Variants in ACCSL observed in about 807,000 individuals in gnomAD.
ACCSL encodes 1-aminocyclopropane-1-carboxylate synthase homolog (inactive) like.
A neutral mutation model predicts 61.7 loss-of-function variants in ACCSL; 55 were observed. The observed-to-expected ratio is 0.89, with a 90% CI of 0.72 to 1.12. The LOEUF (loss-of-function observed/expected upper bound fraction) is 1.12. ACCSL is among the 50% of genes most tolerant of loss of function. The probability of loss-of-function intolerance (pLI) is 0.00; values close to 1 mark genes in which losing one functional copy is unlikely to be tolerated. For missense variants in ACCSL, 632 were observed against 698.0 expected (o/e 0.91, Z 1.07); for synonymous variants, 258 against 264.3 (o/e 0.98, Z 0.23).
the ACCSL span, among the ~76,000 whole-genome samples, chr11:43,959,078 T>C: frequency 6.6e-6 from 1 of 152,142 alleles, no homozygotes; most frequent in African/African-American, 2.4e-5. Context: ...ATTTAATCAA[T>C]TCAATTCCCA....
chr11:43,949,202 C>G, the ACCSL span, among the ~76,000 whole-genome samples: 13 of 152,294 alleles, frequency 8.5e-5, no homozygotes, highest in African/African-American at 3.1e-4. Flanking sequence ...TGGGCTGGCA[C>G]CCCCCTCCAA....
the ACCSL span, among the ~76,000 whole-genome samples, chr11:43,965,369 A>C: frequency 2.0e-5 from 3 of 152,230 alleles, no homozygotes; most frequent in African/African-American, 7.2e-5. Flanking sequence ...AAAAAGAATA[A>C]AATACTTTGG....
At chr11:44,018,719 G>A in the ACCSL span, among the ~76,000 whole-genome samples, 2 of 152,146 alleles carry the variant, frequency 1.3e-5, no homozygotes, top group African/African-American at 4.8e-5. Flanking sequence ...TGTAATCTCA[G>A]CACATTGGGA....
the ACCSL span, among the ~76,000 whole-genome samples, chr11:43,967,176 T>TTA: frequency 4.2e-5 from 4 of 95,928 alleles, no homozygotes; most frequent in Non-Finnish European, 4.4e-5. Context: ...TCTTTTTTTT[T>TTA]TTTTTTTTTT....
chr11:43,957,522 C>A, the ACCSL span, among the ~76,000 whole-genome samples: 1 of 152,062 alleles, frequency 6.6e-6, no homozygotes, highest in African/African-American at 2.4e-5. Context: ...TCTTATCAGA[C>A]CTTAAAAGGC....
intron 13 of ACCSL, 35 bp downstream of exon 13, chr11:44,058,734 G>C: frequency 6.3e-7 from 1 of 1,579,226 alleles, no homozygotes; most frequent in Non-Finnish European, 8.6e-7. Flanking sequence ...CTTTAAAGAC[G>C]CCCCATCAAT....
At chr11:44,047,930 ATTCCTGG>A, upstream of ACCSL, 1 of 1,378,254 alleles carries the variant, frequency 7.3e-7, no homozygotes, top group Non-Finnish European at 9.8e-7. Context: ...GTCTCCATCC[ATTCCTGG>A]ACCTGAGGGT....
chr11:43,930,824 TGCACACAC>T, the ACCSL span, among the ~76,000 whole-genome samples: 6 of 152,026 alleles, frequency 3.9e-5, no homozygotes, highest in East Asian at 1.2e-3. Context: ...CACACACACA[TGCACACAC>T]GCACACACAC....
chr11:44,032,847 G>A, the ACCSL span, among the ~76,000 whole-genome samples: 2 of 152,098 alleles, frequency 1.3e-5, no homozygotes, highest in Admixed American at 6.5e-5. Flanking sequence ...TCACAAATGT[G>A]GTATGACTGG....
the ACCSL span, among the ~76,000 whole-genome samples, chr11:43,957,502 G>A: frequency 1.3e-5 from 2 of 152,076 alleles, no homozygotes; most frequent in Non-Finnish European, 2.9e-5. Flanking sequence ...GGGAATAGAT[G>A]GTAAATGCCT....
the ACCSL span, among the ~76,000 whole-genome samples, chr11:43,953,338 A>G: frequency 6.6e-6 from 1 of 152,082 alleles, no homozygotes; most frequent in African/African-American, 2.4e-5. Flanking sequence ...AGAGACCAGC[A>G]TGGTGAAACC....
chr11:44,058,584 C>T lies in ACCSL; in HGVS notation c.1509C>T (p.Leu503=). The T allele has an allele frequency of 1.9e-6, 3 of 1,614,140 alleles. No homozygotes were observed. Among genetic ancestry groups the T allele is most frequent in the South Asian group, 2.2e-5 (2 of 91,068 alleles). ...GTACATTTGAAGAAGAACGGCTCCT[C>T]TATTGCCGCTTCCTGGACAACAAGC... ...DPCTFEEERL[L]YCRFLDNKLL... The change falls in exon 13 of 14, where the codon CTC becomes CTT. Residue 503 remains leucine (L), a synonymous_variant. Transcript: ENST00000378832.
the ACCSL span, among the ~76,000 whole-genome samples, chr11:43,932,551 T>TGAGTCACGGCACCCAGCTGA: frequency 6.6e-6 from 1 of 152,182 alleles, no homozygotes; most frequent in Non-Finnish European, 1.5e-5. Context: ...ATTACAGGTG[T>TGAGTCACGGCACCCAGCTGA]GAGTCACGGC....
the ACCSL span, among the ~76,000 whole-genome samples, chr11:43,997,422 C>T: frequency 3.9e-5 from 6 of 152,092 alleles, no homozygotes; most frequent in Admixed American, 3.9e-4. Flanking sequence ...TTAGTTTTTC[C>T]CATGTGTTGG....
chr11:43,987,484 G>T, the ACCSL span, among the ~76,000 whole-genome samples: 1 of 152,236 alleles, frequency 6.6e-6, no homozygotes, highest in Non-Finnish European at 1.5e-5. Context: ...CCCAGTCGCT[G>T]CTTCTAGCAA....
chr11:44,042,602 C>T, the ACCSL span, among the ~76,000 whole-genome samples: 5 of 151,154 alleles, frequency 3.3e-5, no homozygotes, highest in Non-Finnish European at 5.9e-5. Flanking sequence ...CAAGTGTGAG[C>T]CACCATGCCT....
chr11:44,055,079 T>G, intron 8 of ACCSL, 123 bp from the exon 9 acceptor site: 1 of 658,082 alleles, frequency 1.5e-6, no homozygotes, highest in Non-Finnish European at 2.5e-6. Context: ...GTGCATGATC[T>G]GTGTCCAGAG....
chr11:43,937,023 G>T, the ACCSL span, among the ~76,000 whole-genome samples: 5 of 152,214 alleles, frequency 3.3e-5, no homozygotes, highest in African/African-American at 1.2e-4. Flanking sequence ...GCCAGGATGG[G>T]GAACCTCCCA....
At chr11:43,930,439 C>A in the ACCSL span, among the ~76,000 whole-genome samples, 1 of 152,132 alleles carries the variant, frequency 6.6e-6, no homozygotes, top group African/African-American at 2.4e-5. Context: ...GGGGTGGATC[C>A]CTCATGAATG....
Sources: allele counts gnomAD v4.1 joint callset (sites outside exome capture counted in the v4.1 genomes callset), GRCh38; gene constraint gnomAD v4.1.1; transcripts MANE v1.5; gene names NCBI Gene and HGNC (gene_info 2026-07-23, HGNC 2026-07-21).